MARK4: variants seen among roughly 807,000 people sequenced by gnomAD.
MARK4 encodes MAP/microtubule affinity-regulating kinase 4.
A neutral mutation model predicts 81.5 loss-of-function variants in MARK4; 19 were observed. The ratio of observed to expected loss-of-function variants is 0.23; its 90% CI spans 0.16 to 0.34. MARK4 has a LOEUF of 0.34. Ranked by LOEUF, MARK4 falls within the 10% of genes least tolerant of loss-of-function variation. The pLI, the probability that MARK4 is intolerant of heterozygous loss-of-function variation, is 1.00. For missense variants in MARK4, 772 were observed against 1,058.8 expected (o/e 0.73, Z 3.76); for synonymous variants, 436 against 439.0 (o/e 0.99, Z 0.08).
chr19:45,276,536 A>C (rs1351606365), intron 8 of MARK4, among the ~76,000 whole-genome samples: 1 of 151,986 alleles, frequency 6.6e-6, no homozygotes, highest in Non-Finnish European at 1.5e-5. Flanking sequence ...CAGGAGAGGC[A>C]GTAGGGTCTC....
At chr19:45,295,891 A>G (rs1395172907) in intron 14 of MARK4, among the ~76,000 whole-genome samples, 1 of 152,202 alleles carries the variant, frequency 6.6e-6, no homozygotes, top group Non-Finnish European at 1.5e-5. Flanking sequence ...GCCTTCATTC[A>G]GTGACTTGAG....
At chr19:45,263,036 G>T in intron 2 of MARK4, 77 bp from the exon 3 acceptor site, 1 of 1,522,958 alleles carries the variant, frequency 6.6e-7, no homozygotes, top group Non-Finnish European at 8.9e-7. Context: ...AAAATGCTGG[G>T]ATTACAGGCC....
chr19:45,287,590 C>A lies in MARK4; in HGVS notation c.1420C>A (p.Pro474Thr). The A allele has an allele frequency of 6.3e-7, 1 of 1,599,246 alleles. No homozygotes were observed. The highest frequency in any genetic ancestry group is 8.5e-7 in the Non-Finnish European group (1 of 1,170,304). Residue 474 changes from proline (P) to threonine (T), a missense_variant, in exon 13 of 17, where the codon CCC (proline) becomes ACC (threonine). By Grantham distance (38) the Pro-to-Thr change is conservative (BLOSUM62 -1). Transcript: ENST00000262891. ...SGSRGLPPSS[P>T]MVSSAHNPNK... ...GAGTCGAGGGCTGCCCCCCTCCAGC[C>A]CCATGGTCAGCAGCGCCCACAACCC...
chr19:45,299,579 CCCTTT>C (rs1280947101), intron 15 of MARK4, among the ~76,000 whole-genome samples: 2 of 152,208 alleles, frequency 1.3e-5, no homozygotes, highest in Non-Finnish European at 2.9e-5. Flanking sequence ...CCACTCCCCT[CCCTTT>C]CATCTTCCAC....
intron 8 of MARK4, among the ~76,000 whole-genome samples, chr19:45,272,255 C>T (rs1401827330): frequency 6.6e-6 from 1 of 152,204 alleles, no homozygotes; most frequent in Admixed American, 6.5e-5. Context: ...TCACTTGAAC[C>T]TGGGAGATCA....
chr19:45,262,442 A>G (rs779773724), intron 2 of MARK4, among the ~76,000 whole-genome samples: 2 of 152,206 alleles, frequency 1.3e-5, no homozygotes, highest in Non-Finnish European at 2.9e-5. Context: ...TCTCGTTTGT[A>G]AAGCGCATAG....
At chr19:45,264,234 G>T (rs961510891) in intron 4 of MARK4, among the ~76,000 whole-genome samples, 2 of 151,870 alleles carry the variant, frequency 1.3e-5, no homozygotes, top group Non-Finnish European at 2.9e-5. Context: ...GGGCGCGGTG[G>T]CTCACGTCTG....
intron 12 of MARK4, among the ~76,000 whole-genome samples, chr19:45,285,071 G>A (rs751327570): frequency 8.6e-5 from 13 of 151,270 alleles, no homozygotes; most frequent in Non-Finnish European, 1.5e-4. Flanking sequence ...AGCCTGGGCG[G>A]CAACAGCAAG....
In MARK4 at chr19:45,278,591, G is replaced by A; in HGVS notation, c.982G>A (p.Asp328Asn). 1 of 1,613,712 alleles carries A rather than the reference G, an allele frequency of 6.2e-7. No individual in the cohort carries two copies. The highest frequency in any genetic ancestry group is 8.5e-7 in the Non-Finnish European group (1 of 1,179,822). ...ELKPYTEPEE[D>N]FGDTKRIEVM... ...GAAGCCATACACAGAGCCCGAGGAG[G>A]ACTTCGGGGACACCAAGAGAATTGG... Residue 328 changes from aspartate to asparagine, a missense_variant, in exon 10 of 17, where the codon GAC (aspartate) becomes AAC (asparagine). Around this residue, in one of 3 missense-constraint regions of MARK4, gnomAD observed 548 missense variants for 624.3 expected, o/e 0.88. Transcript: ENST00000262891.
At position 45,302,806 on chromosome 19, in the gene MARK4, A is replaced by C. The variant is rs1329946171; in HGVS notation, c.*96A>C. The C allele has an allele frequency of 3.4e-6, 5 of 1,459,344 alleles. No individual in the cohort carries two copies. The highest frequency in any genetic ancestry group is 4.6e-6 in the Non-Finnish European group (5 of 1,096,886). The allele number at this position is 1,459,344 out of a possible 1,614,324, so 90.4% of individuals were successfully genotyped here. On this transcript the variant is annotated 3_prime_UTR_variant, in exon 17 of 17. Transcript: ENST00000262891. The surrounding 1 kb of genome is among the most constrained non-coding windows in gnomAD (Gnocchi z 4.9). The stretch of plus-strand genomic sequence containing the variant: ...CCAGGGAGGGGATTCTCCCTTTATC[A>C]TCACCTCAGTTTCCCTGAATTATAT...
At chr19:45,260,246 T>C (rs12982457) in intron 2 of MARK4, among the ~76,000 whole-genome samples, 32,889 of 149,950 alleles carry the variant, frequency 0.22, 3,981 homozygotes, top group Non-Finnish European at 0.29. Context: ...AAAGATTAGC[T>C]TGGTGTGATA....
intron 8 of MARK4, among the ~76,000 whole-genome samples, chr19:45,274,209 A>G (rs1374717284): frequency 6.6e-6 from 1 of 152,120 alleles, no homozygotes; most frequent in East Asian, 1.9e-4. Flanking sequence ...AGATCTCGCC[A>G]CTGTACTCCA....
intron 1 of MARK4, among the ~76,000 whole-genome samples, chr19:45,256,451 A>AT (rs896429331): frequency 2.6e-5 from 4 of 152,196 alleles, no homozygotes; most frequent in Non-Finnish European, 4.4e-5. Flanking sequence ...AAGAAAAAAA[A>AT]TAAGACTTGG....
At chr19:45,292,476 C>A (rs930217362) in intron 13 of MARK4, among the ~76,000 whole-genome samples, 1 of 152,268 alleles carries the variant, frequency 6.6e-6, no homozygotes, top group Non-Finnish European at 1.5e-5. Flanking sequence ...ACGTGAAGTA[C>A]TTCACATACT....
chr19:45,289,883 G>T (rs1449189905), intron 13 of MARK4, among the ~76,000 whole-genome samples: 2 of 152,188 alleles, frequency 1.3e-5, no homozygotes, highest in African/African-American at 4.8e-5. Flanking sequence ...GATTGCTTGA[G>T]CTCAGGAGTT....
Position 45,269,725 on chromosome 19 carries a change from T to A in MARK4, c.550-1747T>A, listed in dbSNP as rs867389220. On this transcript the variant is annotated intron_variant, in intron 7 of 16. Coordinates refer to ENST00000262891, the MANE Select transcript of MARK4 (RefSeq NM_001199867.2). ...TGTTTAGATTCTAGTTGTGCTGCTT[T>A]CTTGCAATGGGCATGAGTTGTGGCC... Among the ~76,000 whole-genome samples the A allele has an allele frequency of 3.3e-5, 5 of 152,236 alleles. No individual in the cohort carries two copies. The South Asian group carries it at 1.0e-3, about 32-fold the overall frequency.
At position 45,266,260 on chromosome 19, in the gene MARK4, T is replaced by C; in HGVS notation, c.528T>C (p.Asn176=). ...VSAVHYCHQK[N]IVHRDLKAEN... ...CTGTGCACTATTGTCACCAGAAAAATATTGTACACAGGGACCTGAAGGTAA... is the reference window on the plus strand; with the variant it reads ...CTGTGCACTATTGTCACCAGAAAAACATTGTACACAGGGACCTGAAGGTAA... Residue 176 remains asparagine (N), a synonymous_variant, in exon 7 of 17, where the codon AAT becomes AAC. Coordinates refer to ENST00000262891, the MANE Select transcript of MARK4 (RefSeq NM_001199867.2). The C allele has an allele frequency of 6.2e-7, 1 of 1,613,562 alleles. No individual in the cohort carries two copies. Among genetic ancestry groups the C allele is most frequent in the Non-Finnish European group, 8.5e-7 (1 of 1,179,744 alleles).
At chr19:45,298,653 G>A (rs751169881) in intron 15 of MARK4, among the ~76,000 whole-genome samples, 16 of 152,134 alleles carry the variant, frequency 1.1e-4, no homozygotes, top group Non-Finnish European at 1.8e-4. Flanking sequence ...TAGAGGGTGA[G>A]CAAAATGTAC....
Position 45,270,217 on chromosome 19 carries a change from G to A in MARK4, c.550-1255G>A, listed in dbSNP as rs574352371. On this transcript the variant is annotated intron_variant, in intron 7 of 16. Transcript: ENST00000262891. Reference sequence around the variant, plus strand: ...CACAACCACGCTTGAGGCAGGTGTCGAGATCACCCTCAGTTTACATACAAG... The same window carrying A: ...CACAACCACGCTTGAGGCAGGTGTCAAGATCACCCTCAGTTTACATACAAG... 6.6e-5 allele frequency among the ~76,000 whole-genome samples: 10 copies of A among 152,212 alleles called. No homozygotes were observed. The South Asian group carries it at 8.3e-4, about 13-fold the overall frequency.
Sources: gnomAD v4.1 joint callset for allele counts (sites outside exome capture counted in the v4.1 genomes callset) on GRCh38, gnomAD v4.1.1 for gene constraint, gnomAD v4.1.1 regional missense constraint, Gnocchi (gnomAD v3.1) non-coding constraint, MANE v1.5 for transcripts, NCBI Gene and HGNC (gene_info 2026-07-23, HGNC 2026-07-21) for gene names.